The following ZNF736 variants were observed in gnomAD, a reference collection of about 807,000 sequenced individuals.
ZNF736 encodes zinc finger protein 736.
ZNF736 carries 6 observed loss-of-function variants against 11.7 expected under a neutral mutation model. The observed-to-expected ratio is 0.51, with a 90% CI of 0.28 to 1.01. The LOEUF (loss-of-function observed/expected upper bound fraction) is 1.01, where lower values mean the gene tolerates loss of function less well. Ranked by LOEUF, ZNF736 falls within the 50% of genes least tolerant of loss-of-function variation. ZNF736 has a pLI of 0.09. For synonymous variants in ZNF736, 139 were observed against 164.7 expected (o/e 0.84, Z 1.19); for missense variants, 444 against 496.0 (o/e 0.90, Z 1.00).
Position 64,348,666 on chromosome 7 carries a change from G to A in ZNF736, c.803G>A (p.Cys268Tyr). ...KCEECGKAFK[C>Y]FSDLTNHKRI... ...GAAGAATGTGGCAAAGCCTTTAAGT[G>A]CTTCTCAGACCTTACTAATCATAAG... is the stretch of plus-strand genomic sequence containing the variant. The change falls in exon 4 of 4, where the codon TGC becomes TAC. Residue 268 changes from cysteine to tyrosine, a missense_variant. Cys to Tyr is a radical substitution (Grantham distance 194). Coordinates refer to ENST00000423484, the MANE Select transcript of ZNF736 (RefSeq NM_001170905.3). 6.2e-7 allele frequency: 1 copy of A among 1,607,630 alleles called. No homozygotes were observed. Among genetic ancestry groups the A allele is most frequent in the Non-Finnish European group, 8.5e-7 (1 of 1,176,960 alleles).
Position 64,348,359 on chromosome 7 carries a change from A to AT in ZNF736, c.501dup (p.Ser168Ter), listed in dbSNP as rs1562677122. The AT allele has an allele frequency of 6.4e-7, 1 of 1,551,442 alleles. No individual in the cohort carries two copies. Among genetic ancestry groups the AT allele is most frequent in the South Asian group, 1.2e-5 (1 of 84,054 alleles). The stretch of plus-strand genomic sequence containing the variant: ...CTCAATCTTCACTGAACATAAAGAC[A>AT]TTTTTAGCAGAGAGAAATGCCACAA... On this transcript the variant is annotated frameshift_variant, in exon 4 of 4. Coordinates refer to ENST00000423484, the MANE Select transcript of ZNF736 (RefSeq NM_001170905.3). LOFTEE classifies it low-confidence loss of function (END_TRUNC).
Position 64,336,895 on chromosome 7 carries a change from A to C in ZNF736, c.139A>C (p.Ile47Leu). Residue 47 changes from isoleucine (I) to leucine (L), a missense_variant, in exon 3 of 4, where the codon ATC becomes CTC. By Grantham distance (5) the Ile-to-Leu change is conservative. Transcript: ENST00000423484. The stretch of plus-strand genomic sequence containing the variant: ...TTTTTCTAATAAAACAGGTCTTGCT[A>C]TCTTTAAGCCAGACTTGATGACCTG... ...YGNLVSLGLA[I>L]FKPDLMTCLE... 1 of 1,592,634 alleles carries C rather than the reference A, an allele frequency of 6.3e-7. No individual in the cohort carries two copies. Among genetic ancestry groups the C allele is most frequent in the Non-Finnish European group, 8.6e-7 (1 of 1,168,972 alleles).
chr7:64,348,902 G>T lies in ZNF736; in HGVS notation c.1039G>T (p.Gly347Cys). ...GEKPYICEEC[G>C]KAFTRSSTLF... ...GAAACCCTACATCTGTGAAGAATGT[G>T]GCAAAGCCTTTACCCGCTCCTCAAC... The change falls in exon 4 of 4, where the codon GGC becomes TGC. Residue 347 changes from glycine to cysteine, a missense_variant. Transcript: ENST00000423484. 6.2e-7 allele frequency: 1 copy of T among 1,608,528 alleles called. No homozygotes were observed. Among genetic ancestry groups the T allele is most frequent in the Non-Finnish European group, 8.5e-7 (1 of 1,177,226 alleles).
intron 3 of ZNF736, among the ~76,000 whole-genome samples, chr7:64,338,987 C>G (rs1244473783): frequency 1.3e-5 from 2 of 151,644 alleles, no homozygotes; most frequent in South Asian, 2.1e-4. Flanking sequence ...ATTGTCAACA[C>G]TTGTTATAAA....
At position 64,351,029 on chromosome 7, in the gene ZNF736, G is replaced by A. The variant is rs1789479138; in HGVS notation, c.*1882G>A. On this transcript the variant is annotated 3_prime_UTR_variant, in exon 4 of 4. Transcript: ENST00000423484. Reference sequence around the variant, plus strand: ...GTGGCAGGAGCAAAGCAGCTGGGAAGGGAGTGGGGGATACCTGCTGGAGGC... The same window carrying A: ...GTGGCAGGAGCAAAGCAGCTGGGAAAGGAGTGGGGGATACCTGCTGGAGGC... 1 of 152,770 alleles carries A rather than the reference G, an allele frequency of 6.5e-6. No homozygotes were observed. The highest frequency in any genetic ancestry group is 2.4e-5 in the African/African-American group (1 of 41,462). 9.5% of individuals were successfully genotyped at this position (152,770 alleles called of 1,614,324 possible). A position where few individuals can be genotyped will look rare whatever the true frequency, so the allele number is the denominator to read the frequency against.
intron 2 of ZNF736, among the ~76,000 whole-genome samples, chr7:64,336,612 A>G (rs1180850597): frequency 1.3e-5 from 2 of 152,170 alleles, no homozygotes; most frequent in Non-Finnish European, 2.9e-5. Flanking sequence ...AATTAGTGGT[A>G]ATATCAGAAA....
intron 1 of ZNF736, among the ~76,000 whole-genome samples, chr7:64,326,964 C>T (rs1243062882): frequency 3.3e-5 from 5 of 152,112 alleles, no homozygotes; most frequent in Non-Finnish European, 5.9e-5. Flanking sequence ...TGTGACCTAG[C>T]TTATGGTCCA....
Position 64,348,609 on chromosome 7 carries a change from GA to G in ZNF736, c.749del (p.Asn250IlefsTer56). On this transcript the variant is annotated frameshift_variant, in exon 4 of 4. Coordinates refer to ENST00000423484, the MANE Select transcript of ZNF736 (RefSeq NM_001170905.3). LOFTEE classifies it low-confidence loss of function (END_TRUNC). Reference sequence around the variant, plus strand: ...TCCTCAACCCTTGTTAAACACAAGAGAAATCATACTGGAGACAGACCCTACA... The same window carrying G: ...TCCTCAACCCTTGTTAAACACAAGAGAATCATACTGGAGACAGACCCTACA... ...TCSSTLVKHKRNHTGDRPYKC... is the reference protein window; with the variant it reads ...TCSSTLVKHKXNHTGDRPYKC... 1.2e-6 allele frequency: 2 copies of G among 1,601,474 alleles called. No homozygotes were observed. Among genetic ancestry groups the G allele is most frequent in the Non-Finnish European group, 1.7e-6 (2 of 1,173,930 alleles).
intron 1 of ZNF736, among the ~76,000 whole-genome samples, chr7:64,323,318 C>T (rs182176370): frequency 3.3e-5 from 5 of 152,232 alleles, no homozygotes; most frequent in African/African-American, 4.8e-5. Context: ...TATTAAACTA[C>T]AGTTGCTTAT....
intron 2 of ZNF736, 139 bp downstream of exon 2, chr7:64,336,524 A>C: frequency 1.1e-6 from 1 of 882,934 alleles, no homozygotes. Flanking sequence ...CTGTTGAGGT[A>C]GAAAATATAA....
rs1337866626 is a variant in ZNF736, at chr7:64,348,466, C to T, written c.603C>T (p.Tyr201=). 6.4e-7 allele frequency: 1 copy of T among 1,552,106 alleles called. No homozygotes were observed. Among genetic ancestry groups the T allele is most frequent in the African/African-American group, 1.4e-5 (1 of 73,038 alleles). ...AAATTCATACTGTAGAGAGATGCTA[C>T]AAATGTGAAGAATGTGGCAAAGCGT... The part of the protein sequence containing the change: ...HKKIHTVERC[Y]KCEECGKAFK... The change falls in exon 4 of 4, where the codon TAC becomes TAT. Residue 201 remains tyrosine (Y), a synonymous_variant. Coordinates refer to ENST00000423484, the MANE Select transcript of ZNF736 (RefSeq NM_001170905.3).
At chr7:64,319,333 G>GTGTGTATATATATA (rs1175526690) in intron 1 of ZNF736, among the ~76,000 whole-genome samples, 1 of 71,638 alleles carries the variant, frequency 1.4e-5, no homozygotes, top group Non-Finnish European at 2.9e-5. Flanking sequence ...GTGTGTATGT[G>GTGTGTATATATATA]TATATATATA....
chr7:64,338,710 C>T (rs1473014946), intron 3 of ZNF736, among the ~76,000 whole-genome samples: 1 of 138,684 alleles, frequency 7.2e-6, no homozygotes, highest in Non-Finnish European at 1.5e-5. Context: ...ATTTTGTATA[C>T]ATGCCATGTT....
intron 3 of ZNF736, among the ~76,000 whole-genome samples, chr7:64,345,013 A>ATTATTTTT (rs1789388536): frequency 7.0e-6 from 1 of 141,874 alleles, no homozygotes. Flanking sequence ...AATTTATTTT[A>ATTATTTTT]TTATTTATTT....
At chr7:64,319,306 T>A (rs1788961010) in intron 1 of ZNF736, among the ~76,000 whole-genome samples, 1 of 135,830 alleles carries the variant, frequency 7.4e-6, no homozygotes, top group African/African-American at 2.7e-5. Flanking sequence ...TGTGTGTGTG[T>A]GTATATGTAT....
chr7:64,321,426 T>C (rs599238), intron 1 of ZNF736, among the ~76,000 whole-genome samples: 148,561 of 152,304 alleles, frequency 0.98, 72,531 homozygotes, highest in Non-Finnish European at 1. Context: ...TTTTAAAGCA[T>C]GTTACCTAAT....
Position 64,348,509 on chromosome 7 carries a change from C to G in ZNF736, c.646C>G (p.Leu216Val). The change falls in exon 4 of 4, where the codon CTT becomes GTT. Residue 216 changes from leucine (L) to valine (V), a missense_variant. By Grantham distance (32) the Leu-to-Val change is conservative. Coordinates refer to ENST00000423484, the MANE Select transcript of ZNF736 (RefSeq NM_001170905.3). ...CGKAFKKFSN[L>V]TEHKRVHTGE... The stretch of plus-strand genomic sequence containing the variant: ...CAAAGCGTTTAAAAAGTTTTCAAAC[C>G]TTACTGAACATAAGAGAGTTCATAC... The G allele has an allele frequency of 6.4e-7, 1 of 1,570,740 alleles. No individual in the cohort carries two copies. The highest frequency in any genetic ancestry group is 1.2e-5 in the South Asian group (1 of 86,546).
intron 1 of ZNF736, among the ~76,000 whole-genome samples, chr7:64,325,938 A>G (rs867145679): frequency 3.3e-5 from 5 of 152,190 alleles, no homozygotes; most frequent in Non-Finnish European, 7.3e-5. Flanking sequence ...AATATACCCA[A>G]TATACATATA....
In ZNF736 at chr7:64,337,188, ATGTGTG is replaced by A. The variant is rs892795349; in HGVS notation, c.226+216_226+221del. On this transcript the variant is annotated intron_variant, in intron 3 of 3. Coordinates refer to ENST00000423484, the MANE Select transcript of ZNF736 (RefSeq NM_001170905.3). ...CAAGCACTGTACTTCCCCTTCAGTA[ATGTGTG>A]TGTGTGTGTTGTGTGTGTGTTTTGT... 9 of 535,510 alleles carry A rather than the reference ATGTGTG, an allele frequency of 1.7e-5. No individual in the cohort carries two copies. The East Asian group carries it at 2.7e-4, about 16-fold the overall frequency. The allele number at this position is 535,510 out of a possible 1,614,324, so 33.2% of individuals were successfully genotyped here. A position where few individuals can be genotyped will look rare whatever the true frequency, so the allele number is the denominator to read the frequency against.
Sources: allele counts gnomAD v4.1 joint callset (sites outside exome capture counted in the v4.1 genomes callset), GRCh38; gene constraint gnomAD v4.1.1; transcripts MANE v1.5; gene names NCBI Gene and HGNC (gene_info 2026-07-23, HGNC 2026-07-21).